LTBP1: variants seen among roughly 807,000 people sequenced by gnomAD.
LTBP1 encodes latent transforming growth factor beta binding protein 1.
In LTBP1, 129 loss-of-function variants were observed where a neutral mutation model predicts 207.6. That is an observed-to-expected ratio of 0.62 (90% CI 0.54 to 0.72). LTBP1 has a LOEUF of 0.72. LTBP1 is among the 30% of genes least tolerant of loss of function. The pLI, the probability that LTBP1 is intolerant of heterozygous loss-of-function variation, is 0.00. For synonymous variants in LTBP1, 963 were observed against 833.7 expected (o/e 1.16, Z -2.67); for missense variants, 2,281 against 2,217.2 (o/e 1.03, Z -0.58).
rs572098548 is a variant in LTBP1 at position 32,991,138 on chromosome 2, A to G, written c.566-29771A>G. Among the ~76,000 whole-genome samples the G allele has an allele frequency of 2.0e-5, 3 of 152,298 alleles. No homozygotes were observed. The East Asian group carries it at 5.8e-4, about 29-fold the overall frequency. On this transcript the variant is annotated intron_variant, in intron 2 of 33. Coordinates refer to ENST00000404816, the MANE Select transcript of LTBP1 (RefSeq NM_206943.4). ...TGTTACTCATTTTGCTTTTTATCTC[A>G]TATAACTTTTTGCAAAAAGTTACGA...
chr2:32,958,093 T>C (rs1004431841), intron 2 of LTBP1, among the ~76,000 whole-genome samples: 5 of 152,216 alleles, frequency 3.3e-5, no homozygotes, highest in Non-Finnish European at 1.5e-5. Flanking sequence ...TGGTTGGAAG[T>C]TCAGTCTTTG....
At chr2:33,012,849 A>G (rs1414804463) in intron 2 of LTBP1, among the ~76,000 whole-genome samples, 1 of 152,236 alleles carries the variant, frequency 6.6e-6, no homozygotes, top group Non-Finnish European at 1.5e-5. Flanking sequence ...ATATGTACTC[A>G]TCATACATAT....
intron 3 of LTBP1, among the ~76,000 whole-genome samples, chr2:33,059,744 AATAGTT>A (rs1202088297): frequency 6.6e-6 from 1 of 152,192 alleles, no homozygotes; most frequent in African/African-American, 2.4e-5. Context: ...TTTTCCATGA[AATAGTT>A]ATAGTAGACT....
chr2:33,050,561 A>T (rs2076683825), intron 3 of LTBP1, among the ~76,000 whole-genome samples: 1 of 151,216 alleles, frequency 6.6e-6, no homozygotes, highest in African/African-American at 2.5e-5. Flanking sequence ...TAAAAAAAAT[A>T]GGAGAGGATC....
At chr2:33,307,807 T>G (rs1369530383) in intron 22 of LTBP1, among the ~76,000 whole-genome samples, 1 of 152,224 alleles carries the variant, frequency 6.6e-6, no homozygotes, top group African/African-American at 2.4e-5. Context: ...GGGTGAACAG[T>G]CATTATAATA....
chr2:32,948,990 G>A (rs370213558), intron 2 of LTBP1, 45 bp downstream of exon 2: 2 of 1,597,730 alleles, frequency 1.3e-6, no homozygotes, highest in South Asian at 2.2e-5. Context: ...AGGCAAAGTG[G>A]GGGGAGGTGT....
intron 2 of LTBP1, among the ~76,000 whole-genome samples, chr2:32,986,897 G>A (rs1444746125): frequency 1.3e-5 from 2 of 152,204 alleles, no homozygotes; most frequent in African/African-American, 4.8e-5. Flanking sequence ...AGAGAACTCT[G>A]ATGGGTGATT....
chr2:33,112,378 G>A (rs2080461445), intron 4 of LTBP1, among the ~76,000 whole-genome samples: 1 of 152,220 alleles, frequency 6.6e-6, no homozygotes, highest in South Asian at 2.1e-4. Context: ...TTAGAAGAAT[G>A]TGAAGATAAG....
At chr2:33,075,785 G>A (rs994614714) in intron 3 of LTBP1, among the ~76,000 whole-genome samples, 2 of 152,162 alleles carry the variant, frequency 1.3e-5, no homozygotes, top group Non-Finnish European at 2.9e-5. Context: ...TTTAGCACAC[G>A]ATGCTATTCT....
chr2:33,389,113 T>C, intron 31 of LTBP1, 71 bp from the exon 32 acceptor site: 1 of 1,603,200 alleles, frequency 6.2e-7, no homozygotes, highest in East Asian at 2.2e-5. Flanking sequence ...CCCGTTGCTC[T>C]GAGCTGCGAG....
chr2:33,141,949 A>G (rs1011197082), intron 5 of LTBP1, among the ~76,000 whole-genome samples: 2 of 152,224 alleles, frequency 1.3e-5, no homozygotes, highest in African/African-American at 2.4e-5. Context: ...TGGGTGAAAA[A>G]AAGGATACAG....
At chr2:33,362,785 A>G (rs192896687) in intron 28 of LTBP1, among the ~76,000 whole-genome samples, 4 of 152,340 alleles carry the variant, frequency 2.6e-5, no homozygotes, top group Admixed American at 2.6e-4. Flanking sequence ...GCCAGAGCAT[A>G]TACCGAGTCC....
At chr2:33,200,760 G>T (rs866814074) in intron 7 of LTBP1, among the ~76,000 whole-genome samples, 1 of 151,954 alleles carries the variant, frequency 6.6e-6, no homozygotes, top group Non-Finnish European at 1.5e-5. Flanking sequence ...AATCTACAAT[G>T]AACTCAAACA....
chr2:33,052,215 T>A (rs1315886883), intron 3 of LTBP1, among the ~76,000 whole-genome samples: 1 of 152,250 alleles, frequency 6.6e-6, no homozygotes, highest in East Asian at 1.9e-4. Flanking sequence ...GAAAAACCCA[T>A]GAGCTCTCTC....
intron 7 of LTBP1, among the ~76,000 whole-genome samples, chr2:33,192,705 G>A (rs2088041895): frequency 6.6e-6 from 1 of 152,166 alleles, no homozygotes; most frequent in Admixed American, 6.6e-5. Context: ...TCCATTTTGT[G>A]TTGTTATAAC....
chr2:33,253,881 CTTTTTTTTTTT>C (rs61042956), intron 11 of LTBP1, among the ~76,000 whole-genome samples: 1 of 101,682 alleles, frequency 9.8e-6, no homozygotes, highest in Non-Finnish European at 1.9e-5. Flanking sequence ...ATCTGATGCA[CTTTTTTTTTTT>C]TTTTTTTTTT....
chr2:33,340,142 C>A (rs1334538165), intron 24 of LTBP1, among the ~76,000 whole-genome samples: 5 of 151,702 alleles, frequency 3.3e-5, no homozygotes, highest in African/African-American at 1.2e-4. Context: ...CCTGTAGTCC[C>A]AGCTACTCAG....
At chr2:33,154,970 G>GT (rs1330683048) in intron 5 of LTBP1, among the ~76,000 whole-genome samples, 10 of 152,106 alleles carry the variant, frequency 6.6e-5, no homozygotes, top group African/African-American at 2.2e-4. Context: ...GGCTGAGTCA[G>GT]GAGAATCACT....
In LTBP1 at chr2:33,347,465, G is replaced by A; in HGVS notation, c.3955G>A (p.Glu1319Lys). ...GTGCGTGTGTGCTGATGAAAACCAA[G>A]AGTACAGCCCCATGACTGGGCAGTG... Reference protein sequence around the residue: ...FLCVCADENQEYSPMTGQCRS... With the variant: ...FLCVCADENQKYSPMTGQCRS... Residue 1319 changes from glutamate to lysine, a missense_variant, in exon 26 of 34, where the codon GAG becomes AAG. By Grantham distance (56) the Glu-to-Lys change is moderately conservative. Around this residue, in one of 3 missense-constraint regions of LTBP1, gnomAD observed 1,671 missense variants for 1,634.8 expected, o/e 1.02. Coordinates refer to ENST00000404816, the MANE Select transcript of LTBP1 (RefSeq NM_206943.4). The A allele has an allele frequency of 1.2e-6, 2 of 1,614,214 alleles. No homozygotes were observed. Among genetic ancestry groups the A allele is most frequent in the Non-Finnish European group, 1.7e-6 (2 of 1,180,036 alleles).
Sources: allele counts gnomAD v4.1 joint callset (sites outside exome capture counted in the v4.1 genomes callset), GRCh38; gene constraint gnomAD v4.1.1; regional missense constraint gnomAD v4.1.1; transcripts MANE v1.5; gene names NCBI Gene and HGNC (gene_info 2026-07-23, HGNC 2026-07-21).